OSBPL8: variants seen among roughly 807,000 people sequenced by gnomAD.
OSBPL8 encodes the protein oxysterol-binding protein-related protein 8.
A neutral mutation model predicts 125.5 loss-of-function variants in OSBPL8; 59 were observed. The ratio of observed to expected loss-of-function variants is 0.47; its 90% CI spans 0.38 to 0.58. The LOEUF is 0.58. Among genes scored for constraint, OSBPL8 ranks in the 20% least tolerant of loss-of-function variants. The pLI, the probability that OSBPL8 is intolerant of heterozygous loss-of-function variation, is 0.00. For synonymous variants in OSBPL8, 330 were observed against 338.9 expected (o/e 0.97, Z 0.29); for missense variants, 758 against 1,047.8 (o/e 0.72, Z 3.82).
chr12:76,457,487 TGA>T (rs1160810196), intron 3 of OSBPL8, among the ~76,000 whole-genome samples: 1 of 152,212 alleles, frequency 6.6e-6, no homozygotes, highest in East Asian at 1.9e-4. Flanking sequence ...AGTTCATCTG[TGA>T]GTTTTAAATT....
At chr12:76,395,004 T>C (rs1459304567) in intron 8 of OSBPL8, among the ~76,000 whole-genome samples, 1 of 152,048 alleles carries the variant, frequency 6.6e-6, no homozygotes. Flanking sequence ...GAACCTAAAG[T>C]TTACCATATT....
At chr12:76,523,077 A>T (rs1950069064) in intron 1 of OSBPL8, among the ~76,000 whole-genome samples, 1 of 152,084 alleles carries the variant, frequency 6.6e-6, no homozygotes, top group South Asian at 2.1e-4. Context: ...GGATAAAGTG[A>T]TCTGTCCGCC....
Position 76,411,580 on chromosome 12 carries a change from C to T in OSBPL8, c.218-946G>A, listed in dbSNP as rs79801886. 2.9e-3 allele frequency among the ~76,000 whole-genome samples: 444 copies of T among 151,616 alleles called. 2 individuals are homozygous for T. The highest frequency in any genetic ancestry group is 0.01 in the African/African-American group (427 of 41,412). On this transcript the variant is annotated intron_variant, in intron 4 of 23. Coordinates refer to ENST00000261183, the MANE Select transcript of OSBPL8 (RefSeq NM_020841.5). Reference sequence around the variant, plus strand: ...TTCTGCATTTGGTTTATTAATGTAACAGCTAAAAAAAACTGTTCCATTTTC... The same window carrying T: ...TTCTGCATTTGGTTTATTAATGTAATAGCTAAAAAAAACTGTTCCATTTTC...
At chr12:76,523,882 CTCT>C (rs1236908243) in intron 1 of OSBPL8, among the ~76,000 whole-genome samples, 4 of 152,142 alleles carry the variant, frequency 2.6e-5, no homozygotes, top group Non-Finnish European at 5.9e-5. Flanking sequence ...AGCAATATAA[CTCT>C]TCATTTAACT....
At chr12:76,427,555 A>G (rs1450584663) in intron 4 of OSBPL8, among the ~76,000 whole-genome samples, 1 of 152,002 alleles carries the variant, frequency 6.6e-6, no homozygotes, top group Non-Finnish European at 1.5e-5. Context: ...AAAAACTACT[A>G]AAAATTTTAA....
At chr12:76,374,787 T>A (rs548338264) in intron 17 of OSBPL8, among the ~76,000 whole-genome samples, 1 of 152,246 alleles carries the variant, frequency 6.6e-6, no homozygotes, top group African/African-American at 2.4e-5. Context: ...GTATACCCTG[T>A]CCAAATTTTT....
intron 1 of OSBPL8, among the ~76,000 whole-genome samples, chr12:76,556,331 A>T (rs1951097980): frequency 1.3e-5 from 2 of 152,058 alleles, no homozygotes; most frequent in Non-Finnish European, 2.9e-5. Context: ...CTTCCCTATA[A>T]GGTCTCCGAA....
chr12:76,454,960 C>T (rs1048410591), intron 3 of OSBPL8, among the ~76,000 whole-genome samples: 1 of 151,952 alleles, frequency 6.6e-6, no homozygotes, highest in Non-Finnish European at 1.5e-5. Flanking sequence ...AGAGGCCGGG[C>T]GCGGTGGCTC....
chr12:76,548,838 T>C (rs1343558840), intron 1 of OSBPL8, among the ~76,000 whole-genome samples: 1 of 151,976 alleles, frequency 6.6e-6, no homozygotes, highest in Non-Finnish European at 1.5e-5. Context: ...TAACCATGAA[T>C]GGACAACCAA....
chr12:76,433,360 A>G (rs770590737), intron 4 of OSBPL8, among the ~76,000 whole-genome samples: 23 of 152,306 alleles, frequency 1.5e-4, no homozygotes, highest in Non-Finnish European at 2.6e-4. Context: ...TAAAACTAAT[A>G]AACAAATTCA....
In OSBPL8 at chr12:76,369,730, G is replaced by C; in HGVS notation, c.2147C>G (p.Ala716Gly). Residue 716 changes from alanine to glycine, a missense_variant, in exon 20 of 24, where the codon GCT becomes GGT. By Grantham distance (60) the Ala-to-Gly change is moderately conservative (BLOSUM62 0). This residue lies in a region of OSBPL8 where 572 missense variants were observed against 762.0 expected (regional missense o/e 0.75). Coordinates refer to ENST00000261183, the MANE Select transcript of OSBPL8 (RefSeq NM_020841.5). The stretch of plus-strand genomic sequence containing the variant: ...ATTTTTTGTTTTCCGATCCCTGGCA[G>C]CTTGTCTTTGAGCTTCTTCCAAAAC... Reference protein sequence around the residue: ...KYVLEEAQRQAARDRKTKNEE... With the variant: ...KYVLEEAQRQGARDRKTKNEE... 9 of 1,613,636 alleles carry C rather than the reference G, an allele frequency of 5.6e-6. No individual in the cohort carries two copies. Among genetic ancestry groups the C allele is most frequent in the Non-Finnish European group, 7.6e-6 (9 of 1,179,698 alleles).
rs57475515 is a variant in OSBPL8 at position 76,417,827 on chromosome 12, C to T, written c.218-7193G>A. ...TCGGATCACTCTAATATCCAAGAAG[C>T]CTTACCAGCCTCTTTCTACTGTTTG... On this transcript the variant is annotated intron_variant, in intron 4 of 23. Coordinates refer to ENST00000261183, the MANE Select transcript of OSBPL8 (RefSeq NM_020841.5). Among the ~76,000 whole-genome samples the T allele has an allele frequency of 3.9e-4, 60 of 152,154 alleles. 1 individual carries two copies. In the East Asian group the frequency reaches 0.011, roughly 29 times the overall value.
intron 1 of OSBPL8, among the ~76,000 whole-genome samples, chr12:76,534,498 C>T (rs1355329044): frequency 2.6e-5 from 4 of 152,092 alleles, no homozygotes; most frequent in Non-Finnish European, 5.9e-5. Flanking sequence ...AGAAGAATAC[C>T]AATTGCTGTC....
intron 8 of OSBPL8, among the ~76,000 whole-genome samples, chr12:76,395,385 T>A (rs1190945803): frequency 6.6e-6 from 1 of 152,204 alleles, no homozygotes; most frequent in Non-Finnish European, 1.5e-5. Context: ...ATTTAAAGTA[T>A]AATTTTGATA....
chr12:76,410,574 G>A lies in OSBPL8; in HGVS notation c.278C>T (p.Ser93Leu). The A allele has an allele frequency of 1.2e-6, 2 of 1,600,972 alleles. No individual in the cohort carries two copies. Among genetic ancestry groups the A allele is most frequent in the Non-Finnish European group, 8.5e-7 (1 of 1,169,790 alleles). The change falls in exon 5 of 24, where the codon TCA (serine) becomes TTA (leucine). Residue 93 changes from serine to leucine, a missense_variant. Ser to Leu is a moderately radical substitution (Grantham distance 145). This residue lies in a region of OSBPL8 where 117 missense variants were observed against 137.1 expected (regional missense o/e 0.85). Coordinates refer to ENST00000261183, the MANE Select transcript of OSBPL8 (RefSeq NM_020841.5). ...CTTATATATGCTTACCTTGCTCTTT[G>A]ACATAGAAAGTGAAGATTCATCTTT... ...QNKDESSLSM[S>L]KSKSESKLYN...
At chr12:76,477,489 TCAGGGATACTATGTAAAATAACTAAC>T (rs1876949386) in intron 2 of OSBPL8, among the ~76,000 whole-genome samples, 1 of 152,000 alleles carries the variant, frequency 6.6e-6, no homozygotes, top group Admixed American at 6.6e-5. Flanking sequence ...AAATTCCAGT[TCAGGGATACTATGTAAAATAACTAAC>T]CAGTAGCCCT....
rs185710240 is a variant in OSBPL8, at chr12:76,478,415, A to G, written c.42+9095T>C. ...GAGAGTCTCAGAGTCCTGGGAACCC[A>G]CTTTAAGAAAATCTCCAAGAATAAT... On this transcript the variant is annotated intron_variant, in intron 2 of 23. Coordinates refer to ENST00000261183, the MANE Select transcript of OSBPL8 (RefSeq NM_020841.5). Among the ~76,000 whole-genome samples the G allele has an allele frequency of 3.4e-3, 512 of 152,292 alleles. 2 individuals carry two copies. Among genetic ancestry groups the G allele is most frequent in the Middle Eastern group, 0.014 (4 of 294 alleles).
At chr12:76,380,955 T>A (rs913025388) in intron 15 of OSBPL8, among the ~76,000 whole-genome samples, 1 of 152,206 alleles carries the variant, frequency 6.6e-6, no homozygotes, top group Non-Finnish European at 1.5e-5. Flanking sequence ...TTCTGTCAAA[T>A]CATTTTTCCA....
In OSBPL8 at chr12:76,396,398, A is replaced by G. The variant is rs577173811; in HGVS notation, c.672+1296T>C. ...AATTAGTTGGTTTTCCCTAAAGGAG[A>G]AATTCTACCTTCTTTATTCTACGAT... On this transcript the variant is annotated intron_variant, in intron 8 of 23. Coordinates refer to ENST00000261183, the MANE Select transcript of OSBPL8 (RefSeq NM_020841.5). Among the ~76,000 whole-genome samples the G allele has an allele frequency of 1.4e-3, 215 of 152,270 alleles. 2 individuals are homozygous for G. Among genetic ancestry groups the G allele is most frequent in the African/African-American group, 5.0e-3 (206 of 41,544 alleles).
Sources: allele counts gnomAD v4.1 joint callset (sites outside exome capture counted in the v4.1 genomes callset), GRCh38; gene constraint gnomAD v4.1.1; regional missense constraint gnomAD v4.1.1; transcripts MANE v1.5; gene names NCBI Gene and HGNC (gene_info 2026-07-23, HGNC 2026-07-21).